Variants in CHD7 observed in about 807,000 individuals in gnomAD.
CHD7 encodes the protein ATP-dependent chromatin remodeler CHD7.
In CHD7, 24 loss-of-function variants were observed where a neutral mutation model predicts 307.3. That is an observed-to-expected ratio of 0.08 (90% confidence interval 0.06 to 0.11). CHD7 has a LOEUF of 0.11. Ranked by LOEUF, CHD7 falls within the 10% of genes least tolerant of loss-of-function variation. The pLI is 1.00. For missense variants in CHD7, 3,106 were observed against 3,727.1 expected (o/e 0.83, Z 4.34); for synonymous variants, 1,363 against 1,349.9 (o/e 1.01, Z -0.21).
At chr8:60,767,346 G>GTGCA (rs1436748821) in intron 2 of CHD7, among the ~76,000 whole-genome samples, 6 of 152,208 alleles carry the variant, frequency 3.9e-5, no homozygotes, top group African/African-American at 1.4e-4. Context: ...GTAGAAGGAT[G>GTGCA]TGCAGCAGGA....
chr8:60,827,056 A>C (rs1275088888), intron 13 of CHD7, among the ~76,000 whole-genome samples: 1 of 152,114 alleles, frequency 6.6e-6, no homozygotes, highest in African/African-American at 2.4e-5. Context: ...TTATTCCACT[A>C]TTTGTAGGTA....
In CHD7 at chr8:60,865,351, G is replaced by A. The variant is rs200747690; in HGVS notation, c.8412G>A (p.Ala2804=). The A allele has an allele frequency of 6.6e-5, 107 of 1,610,942 alleles. No homozygotes were observed. The highest frequency in any genetic ancestry group is 3.1e-4 in the South Asian group (28 of 90,718). ...AVLPLMLPGM[A]GLPNVFGLGG... is the part of the protein sequence containing the mutation. Reference sequence around the variant, plus strand: ...TGCCCCTGATGCTGCCAGGAATGGCGGGCCTGCCCAACGTGTTTGGCTTGG... The same window carrying A: ...TGCCCCTGATGCTGCCAGGAATGGCAGGCCTGCCCAACGTGTTTGGCTTGG... Residue 2804 remains alanine, a synonymous_variant, in exon 38 of 38, where the codon GCG becomes GCA. Transcript: ENST00000423902. The surrounding 1 kb of genome is among the most constrained non-coding windows in gnomAD (Gnocchi z 4.3).
At chr8:60,851,145 A>G (rs1249698030) in intron 27 of CHD7, 41 bp downstream of exon 27, 12 of 1,496,324 alleles carry the variant, frequency 8.0e-6, no homozygotes, top group Non-Finnish European at 1.1e-5. Context: ...CTCCATTAAA[A>G]TATTATATGC....
intron 34 of CHD7, among the ~76,000 whole-genome samples, chr8:60,859,117 T>A (rs186517864): frequency 3.2e-4 from 48 of 151,660 alleles, no homozygotes. Context: ...TAATTGAAGT[T>A]AGAGAATGTA....
Position 60,854,349 on chromosome 8 carries a change from A to C in CHD7, c.6776-14A>C. On this transcript the variant is annotated splice_polypyrimidine_tract_variant and intron_variant, in intron 31 of 37. Coordinates refer to ENST00000423902, the MANE Select transcript of CHD7 (RefSeq NM_017780.4). The stretch of plus-strand genomic sequence containing the variant: ...ACTGTGGTTGTGAGTAATGCACATT[A>C]ACTCATTTCTCAGCAGGAGCTGTCT... 3 of 1,610,298 alleles carry C rather than the reference A, an allele frequency of 1.9e-6. No individual in the cohort carries two copies. The South Asian group carries it at 3.3e-5, about 18-fold the overall frequency.
intron 2 of CHD7, among the ~76,000 whole-genome samples, chr8:60,761,802 T>G (rs1034939000): frequency 1.3e-4 from 20 of 152,152 alleles, no homozygotes; most frequent in Admixed American, 6.5e-4. Flanking sequence ...AATAGATTAA[T>G]TAATTAATCA....
chr8:60,784,059 G>A (rs1811382127), intron 3 of CHD7, among the ~76,000 whole-genome samples: 1 of 152,176 alleles, frequency 6.6e-6, no homozygotes, highest in Admixed American at 6.5e-5. Flanking sequence ...AGTGTAGAAA[G>A]GAAACAGCAT....
At chr8:60,753,447 A>G (rs1486104143) in intron 2 of CHD7, among the ~76,000 whole-genome samples, 1 of 152,168 alleles carries the variant, frequency 6.6e-6, no homozygotes, top group Non-Finnish European at 1.5e-5. Context: ...ATGTGAGCTT[A>G]AGGCTTGCAG....
chr8:60,818,662 G>T (rs935458306), intron 8 of CHD7, among the ~76,000 whole-genome samples: 17 of 152,000 alleles, frequency 1.1e-4, no homozygotes, highest in African/African-American at 4.1e-4. Flanking sequence ...TCTGCTTTTT[G>T]TTTCATAATT....
At chr8:60,769,941 TG>T in intron 2 of CHD7, among the ~76,000 whole-genome samples, 1 of 152,362 alleles carries the variant, frequency 6.6e-6, no homozygotes, top group African/African-American at 2.4e-5. Flanking sequence ...AAGAACACAC[TG>T]GAAACTAAAT....
intron 1 of CHD7, among the ~76,000 whole-genome samples, chr8:60,713,049 C>A (rs368313604): frequency 4.9e-3 from 500 of 102,026 alleles, no homozygotes; most frequent in East Asian, 8.6e-3. Context: ...AACTCTGTCT[C>A]AAAAAAAAAA....
chr8:60,782,444 A>G lies in CHD7; in HGVS notation c.2096+1014A>G, dbSNP rs903787318. Among the ~76,000 whole-genome samples, 6 of 152,224 alleles carry G rather than the reference A, an allele frequency of 3.9e-5. No individual in the cohort carries two copies. In the East Asian group the frequency reaches 1.2e-3, roughly 29 times the overall value. On this transcript the variant is annotated intron_variant, in intron 3 of 37. Transcript: ENST00000423902. Reference sequence around the variant, plus strand: ...AGATGTTGCCTTGAAGTGAAAGGACAAACTTGGACTTGCAACTTCCTGCTA... The same window carrying G: ...AGATGTTGCCTTGAAGTGAAAGGACGAACTTGGACTTGCAACTTCCTGCTA...
chr8:60,793,220 C>G (rs1189539605), intron 3 of CHD7, among the ~76,000 whole-genome samples: 1 of 151,726 alleles, frequency 6.6e-6, no homozygotes, highest in African/African-American at 2.4e-5. Context: ...AACACTAGGA[C>G]AGTTGGATGA....
intron 25 of CHD7, among the ~76,000 whole-genome samples, chr8:60,849,365 C>T (rs1452700208): frequency 6.6e-6 from 1 of 152,118 alleles, no homozygotes; most frequent in Non-Finnish European, 1.5e-5. Flanking sequence ...GAGAAGAAAA[C>T]ATTTCTTTCT....
At chr8:60,746,878 G>C (rs867469625) in intron 2 of CHD7, among the ~76,000 whole-genome samples, 1 of 152,114 alleles carries the variant, frequency 6.6e-6, no homozygotes, top group Admixed American at 6.6e-5. Context: ...GATTTACAGG[G>C]AAGGGAAAAA....
intron 1 of CHD7, among the ~76,000 whole-genome samples, chr8:60,704,863 T>C (rs1430412273): frequency 2.6e-5 from 4 of 152,222 alleles, no homozygotes; most frequent in African/African-American, 9.6e-5. Context: ...GCACATGGCT[T>C]GGCTGGTGGA....
At chr8:60,820,185 A>G in intron 9 of CHD7, 95 bp downstream of exon 9, 1 of 719,330 alleles carries the variant, frequency 1.4e-6, no homozygotes, top group South Asian at 2.0e-5. Context: ...GGTCTTGGTC[A>G]GAGCCTTGGA....
At position 60,713,083 on chromosome 8, in the gene CHD7, T is replaced by A. The variant is rs571999100; in HGVS notation, c.-174-28176T>A. ...AAAAAAAAAAGAATTCTTTCCAGAT[T>A]AAATTGCTATAGAGATTTTTGTGGA... On this transcript the variant is annotated intron_variant, in intron 1 of 37. Coordinates refer to ENST00000423902, the MANE Select transcript of CHD7 (RefSeq NM_017780.4). Among the ~76,000 whole-genome samples, 232 of 151,020 alleles carry A rather than the reference T, an allele frequency of 1.5e-3. 1 individual carries two copies. The highest frequency in any genetic ancestry group is 5.5e-3 in the African/African-American group (227 of 41,016).
At chr8:60,714,568 C>T (rs922551715) in intron 1 of CHD7, among the ~76,000 whole-genome samples, 2 of 152,216 alleles carry the variant, frequency 1.3e-5, no homozygotes, top group Admixed American at 6.5e-5. Flanking sequence ...GCCCTCCTGG[C>T]CCCTGGGCTT....
Sources: allele counts gnomAD v4.1 joint callset (sites outside exome capture counted in the v4.1 genomes callset), GRCh38; gene constraint gnomAD v4.1.1; non-coding constraint Gnocchi (gnomAD v3.1); transcripts MANE v1.5; gene names NCBI Gene and HGNC (gene_info 2026-07-23, HGNC 2026-07-21).